The following SYT13 variants were observed in gnomAD, a reference collection of about 807,000 sequenced individuals.
SYT13 encodes synaptotagmin 13.
A neutral mutation model predicts 38.6 loss-of-function variants in SYT13; 21 were observed. The ratio of observed to expected loss-of-function variants is 0.54; its 90% CI spans 0.39 to 0.78. The LOEUF is 0.78. Among genes scored for constraint, SYT13 ranks in the 30% least tolerant of loss-of-function variants. SYT13 has a pLI of 0.00. For missense variants in SYT13, 495 were observed against 548.7 expected (o/e 0.90, Z 0.98); for synonymous variants, 241 against 237.6 (o/e 1.01, Z -0.13).
intron 1 of SYT13, 40 bp from the exon 2 acceptor site, chr11:45,255,931 C>A (rs1354923489): frequency 1.2e-6 from 2 of 1,600,112 alleles, no homozygotes; most frequent in South Asian, 1.1e-5. Context: ...ACAAAGGAGC[C>A]CTCTTGTCTG....
At chr11:45,255,965 C>G in intron 1 of SYT13, 74 bp from the exon 2 acceptor site, 3 of 1,473,788 alleles carry the variant, frequency 2.0e-6, no homozygotes, top group Non-Finnish European at 2.8e-6. Flanking sequence ...AAGGGAGAAA[C>G]GGTGAACTGA....
At chr11:45,268,330 T>G (rs1854909021) in intron 1 of SYT13, among the ~76,000 whole-genome samples, 1 of 151,208 alleles carries the variant, frequency 6.6e-6, no homozygotes, top group South Asian at 2.1e-4. Context: ...CAAAAAGCTA[T>G]TTCCCTTAGG....
At chr11:45,275,331 A>C (rs968991725) in intron 1 of SYT13, among the ~76,000 whole-genome samples, 9 of 152,182 alleles carry the variant, frequency 5.9e-5, no homozygotes, top group African/African-American at 2.2e-4. Context: ...TCTATGCCAG[A>C]TGGACTGACT....
At position 45,248,791 on chromosome 11, in the gene SYT13, T is replaced by C. The variant is rs146866191; in HGVS notation, c.847-2279A>G. On this transcript the variant is annotated intron_variant, in intron 4 of 5. Transcript: ENST00000020926. ...AGACCAGGTGAGAGGAGTCAGCACC[T>C]GTCAGCCTCTGCAGGGCTTTTCACT... Among the ~76,000 whole-genome samples, 190 of 152,340 alleles carry C rather than the reference T, an allele frequency of 1.2e-3. 1 individual carries two copies. The highest frequency in any genetic ancestry group is 4.5e-3 in the African/African-American group (185 of 41,564).
intron 1 of SYT13, among the ~76,000 whole-genome samples, chr11:45,262,262 A>G (rs1854826164): frequency 1.3e-5 from 2 of 152,232 alleles, no homozygotes; most frequent in South Asian, 4.1e-4. Flanking sequence ...AAATACTTAG[A>G]GTCCTCAAAA....
chr11:45,281,274 C>T (rs1855070384), intron 1 of SYT13, among the ~76,000 whole-genome samples: 1 of 152,114 alleles, frequency 6.6e-6, no homozygotes. Flanking sequence ...ACTAGAGTTC[C>T]ACTGAAAGCC....
intron 1 of SYT13, among the ~76,000 whole-genome samples, chr11:45,260,158 C>T (rs1854797945): frequency 6.6e-6 from 1 of 152,158 alleles, no homozygotes. Flanking sequence ...TCCTCATTTG[C>T]TGTTTATTCT....
intron 4 of SYT13, among the ~76,000 whole-genome samples, chr11:45,246,787 A>G (rs1259453700): frequency 6.6e-6 from 1 of 152,192 alleles, no homozygotes; most frequent in Non-Finnish European, 1.5e-5. Flanking sequence ...AAACAGAACA[A>G]AGAAAGGCTA....
chr11:45,247,370 A>T (rs1216577770), intron 4 of SYT13, among the ~76,000 whole-genome samples: 1 of 152,168 alleles, frequency 6.6e-6, no homozygotes, highest in Non-Finnish European at 1.5e-5. Flanking sequence ...CAGGAAGAAG[A>T]TGCCCTTCCC....
intron 1 of SYT13, among the ~76,000 whole-genome samples, chr11:45,257,809 A>G (rs1477669214): frequency 6.8e-6 from 1 of 146,856 alleles, no homozygotes; most frequent in Non-Finnish European, 1.5e-5. Flanking sequence ...GCAGGGCCCA[A>G]AGGGGCAGGA....
At chr11:45,283,271 A>G (rs544028344) in intron 1 of SYT13, among the ~76,000 whole-genome samples, 2 of 152,188 alleles carry the variant, frequency 1.3e-5, no homozygotes, top group South Asian at 4.2e-4. Flanking sequence ...AACCCAAAGA[A>G]TTTTTTCAGC....
chr11:45,279,349 A>G (rs1855045429), intron 1 of SYT13, among the ~76,000 whole-genome samples: 1 of 152,254 alleles, frequency 6.6e-6, no homozygotes, highest in African/African-American at 2.4e-5. Flanking sequence ...TAGGAGGACA[A>G]GTCAGGAGGA....
chr11:45,269,786 C>T (rs956379845), intron 1 of SYT13, among the ~76,000 whole-genome samples: 2 of 152,150 alleles, frequency 1.3e-5, no homozygotes, highest in African/African-American at 4.8e-5. Context: ...GGGGTTGTGT[C>T]TCTGGATAAC....
Position 45,244,197 on chromosome 11 carries a change from A to G in SYT13, c.1136T>C (p.Leu379Pro). ...GCTCTGCCCTGAATCGTCCTGGCCCAGCACTTCCAGCTCCACACTGGAGGC... is the reference window on the plus strand; with the variant it reads ...GCTCTGCCCTGAATCGTCCTGGCCCGGCACTTCCAGCTCCACACTGGAGGC... ...LQASSVELEVLGQDDSGQSCA... is the reference protein window; with the variant it reads ...LQASSVELEVPGQDDSGQSCA... The change falls in exon 6 of 6, where the codon CTG becomes CCG. Residue 379 changes from leucine to proline, a missense_variant. Physicochemically the swap from Leu to Pro is moderately conservative, Grantham distance 98. Transcript: ENST00000020926. The G allele has an allele frequency of 1.9e-6, 3 of 1,614,020 alleles. No individual in the cohort carries two copies. The East Asian group carries it at 6.7e-5, about 36-fold the overall frequency.
chr11:45,266,426 A>G (rs1316336769), intron 1 of SYT13, among the ~76,000 whole-genome samples: 1 of 152,110 alleles, frequency 6.6e-6, no homozygotes, highest in Non-Finnish European at 1.5e-5. Flanking sequence ...TTAAATTACT[A>G]CCAGCAAGGA....
intron 5 of SYT13, among the ~76,000 whole-genome samples, chr11:45,245,601 CTTGCTAGGCGCATGTGG>C (rs1854604758): frequency 6.6e-6 from 1 of 152,216 alleles, no homozygotes; most frequent in African/African-American, 2.4e-5. Flanking sequence ...TTATTTATAT[CTTGCTAGGCGCATGTGG>C]CTTCCAGTCC....
intron 1 of SYT13, among the ~76,000 whole-genome samples, chr11:45,256,484 C>T (rs16938196): frequency 0.015 from 2,282 of 152,220 alleles, 45 homozygotes; most frequent in African/African-American, 0.046. Flanking sequence ...CCTGTTTTTG[C>T]ATGGCTGGCT....
At chr11:45,247,288 G>T (rs1356982388) in intron 4 of SYT13, among the ~76,000 whole-genome samples, 1 of 152,208 alleles carries the variant, frequency 6.6e-6, no homozygotes, top group Non-Finnish European at 1.5e-5. Context: ...AAGCTCTGGG[G>T]AGACCTGGCA....
intron 1 of SYT13, among the ~76,000 whole-genome samples, chr11:45,276,628 A>C (rs1286259401): frequency 2.0e-5 from 3 of 151,718 alleles, no homozygotes; most frequent in Admixed American, 1.3e-4. Context: ...TTTAAAAGTG[A>C]GAATTTGGGG....
Sources: allele counts gnomAD v4.1 joint callset (sites outside exome capture counted in the v4.1 genomes callset), GRCh38; gene constraint gnomAD v4.1.1; transcripts MANE v1.5; gene names NCBI Gene and HGNC (gene_info 2026-07-23, HGNC 2026-07-21).